SLC35D1: variants seen among roughly 807,000 people sequenced by gnomAD.
SLC35D1 encodes solute carrier family 35 member D1.
In SLC35D1, 31 loss-of-function variants were observed where a neutral mutation model predicts 46.7. The ratio of observed to expected loss-of-function variants is 0.66; its 90% CI spans 0.50 to 0.90. The LOEUF (loss-of-function observed/expected upper bound fraction) is 0.90, where lower values mean the gene tolerates loss of function less well. Ranked by LOEUF, SLC35D1 falls within the 40% of genes least tolerant of loss-of-function variation. SLC35D1 has a pLI of 0.00. For synonymous variants in SLC35D1, 195 were observed against 164.6 expected (o/e 1.18, Z -1.41); for missense variants, 397 against 426.2 (o/e 0.93, Z 0.60).
At position 67,001,379 on chromosome 1, in the gene SLC35D1, C is replaced by T. The variant is rs1186478098; in HGVS notation, c.*2961G>A. ...GATTGACTCATAAAGTCCACAGCCA[C>T]ATGAGGCAATTAAAACTCAACGGGA... On this transcript the variant is annotated 3_prime_UTR_variant, in exon 12 of 12. Coordinates refer to ENST00000235345, the MANE Select transcript of SLC35D1 (RefSeq NM_015139.3). The T allele has an allele frequency of 6.6e-6, 1 of 152,296 alleles. No individual in the cohort carries two copies. The allele number at this position is 152,296 out of a possible 1,614,324, so 9.4% of individuals were successfully genotyped here. A position where few individuals can be genotyped will look rare whatever the true frequency, so the allele number is the denominator to read the frequency against.
At position 67,002,542 on chromosome 1, in the gene SLC35D1, C is replaced by T. The variant is rs1667360613; in HGVS notation, c.*1798G>A. 1.3e-5 allele frequency: 2 copies of T among 152,190 alleles called. No individual in the cohort carries two copies. Among genetic ancestry groups the T allele is most frequent in the African/African-American group, 4.8e-5 (2 of 41,386 alleles). 9.4% of individuals were successfully genotyped at this position (152,190 alleles called of 1,614,324 possible). On this transcript the variant is annotated 3_prime_UTR_variant, in exon 12 of 12. Coordinates refer to ENST00000235345, the MANE Select transcript of SLC35D1 (RefSeq NM_015139.3). Reference sequence around the variant, plus strand: ...ATGACACAAGATACTATCCTTTACTCCCAGTGGAATTTTCTCAGGTCAGAA... The same window carrying T: ...ATGACACAAGATACTATCCTTTACTTCCAGTGGAATTTTCTCAGGTCAGAA...
At chr1:67,013,595 C>A (rs1251614545) in intron 10 of SLC35D1, among the ~76,000 whole-genome samples, 2 of 152,054 alleles carry the variant, frequency 1.3e-5, no homozygotes, top group African/African-American at 2.4e-5. Flanking sequence ...TCTTCCTACT[C>A]CTCCTTCCTC....
intron 8 of SLC35D1, among the ~76,000 whole-genome samples, chr1:67,022,168 A>G (rs1398357704): frequency 6.6e-6 from 1 of 152,202 alleles, no homozygotes; most frequent in Non-Finnish European, 1.5e-5. Flanking sequence ...GCCAAAAGGA[A>G]AGGAATAAAG....
At chr1:66,975,792 T>C in the SLC35D1 span, among the ~76,000 whole-genome samples, 2 of 152,196 alleles carry the variant, frequency 1.3e-5, no homozygotes, top group South Asian at 4.1e-4. Context: ...ATGATACTTT[T>C]AACTCACTGT....
rs868190256 is a variant in SLC35D1, at chr1:67,047,314, A to G, written c.587T>C (p.Val196Ala). ...GTATGCACCATTTGCTGCTGTTAGG[A>G]CATCGTTTATCAGAATAAAAGCATA... is the stretch of plus-strand genomic sequence containing the variant. The part of the protein sequence containing the change: ...EGYAFILIND[V>A]LTAANGAYVK... Residue 196 changes from valine (V) to alanine (A), a missense_variant, in exon 7 of 12, where the codon GTC (valine) becomes GCC (alanine). Coordinates refer to ENST00000235345, the MANE Select transcript of SLC35D1 (RefSeq NM_015139.3). 2.5e-6 allele frequency: 4 copies of G among 1,613,404 alleles called. No homozygotes were observed. In the African/African-American group the frequency reaches 5.3e-5, roughly 22 times the overall value.
At chr1:67,050,566 T>A in intron 4 of SLC35D1, 62 bp from the exon 5 acceptor site, 1 of 1,382,904 alleles carries the variant, frequency 7.2e-7, no homozygotes, top group Non-Finnish European at 1.0e-6. Flanking sequence ...AACTAAGATT[T>A]TCCAAATTGG....
chr1:67,049,494 G>A (rs1419709055), intron 6 of SLC35D1, among the ~76,000 whole-genome samples: 2 of 152,196 alleles, frequency 1.3e-5, no homozygotes, highest in African/African-American at 2.4e-5. Context: ...ATAATAAGAT[G>A]TGTAAAATGC....
intron 10 of SLC35D1, among the ~76,000 whole-genome samples, chr1:67,015,827 T>G (rs1328439761): frequency 6.6e-6 from 1 of 152,222 alleles, no homozygotes; most frequent in Non-Finnish European, 1.5e-5. Context: ...GTATCTTTAT[T>G]ATGTCTTATA....
the SLC35D1 span, among the ~76,000 whole-genome samples, chr1:66,990,769 T>TA: frequency 2.0e-5 from 3 of 152,260 alleles, no homozygotes; most frequent in East Asian, 3.9e-4. Context: ...GTGGTGGACT[T>TA]AGAGTGGCCA....
chr1:67,024,152 G>A lies in SLC35D1; in HGVS notation c.730-2550C>T, dbSNP rs112445190. Among the ~76,000 whole-genome samples, 493 of 151,812 alleles carry A rather than the reference G, an allele frequency of 3.2e-3. 6 individuals are homozygous for A. The highest frequency in any genetic ancestry group is 0.011 in the African/African-American group (467 of 41,380). ...GTAGAGATGGGGTTTCGCCATGTTG[G>A]CCAGGCTGGTCCTGAACTCCAGACC... On this transcript the variant is annotated intron_variant, in intron 8 of 11. Transcript: ENST00000235345.
chr1:66,992,332 T>C, the SLC35D1 span, among the ~76,000 whole-genome samples: 1 of 151,976 alleles, frequency 6.6e-6, no homozygotes, highest in Non-Finnish European at 1.5e-5. Context: ...AGAGACAAAT[T>C]AGCAGGTGCA....
In SLC35D1 at chr1:67,003,886, T is replaced by C. The variant is rs1224015415; in HGVS notation, c.*454A>G. 1 of 207,092 alleles carries C rather than the reference T, an allele frequency of 4.8e-6. No individual in the cohort carries two copies. The highest frequency in any genetic ancestry group is 9.9e-6 in the Non-Finnish European group (1 of 101,312). The allele number at this position is 207,092 out of a possible 1,614,324, so 12.8% of individuals were successfully genotyped here. A position where few individuals can be genotyped will look rare whatever the true frequency, so the allele number is the denominator to read the frequency against. ...ACAATGCAATCATAAGAAATAAGATTCAAAGAAGAGAAATTTCACATATTC... is the reference window on the plus strand; with the variant it reads ...ACAATGCAATCATAAGAAATAAGATCCAAAGAAGAGAAATTTCACATATTC... On this transcript the variant is annotated 3_prime_UTR_variant, in exon 12 of 12. Transcript: ENST00000235345.
intron 10 of SLC35D1, among the ~76,000 whole-genome samples, chr1:67,016,060 T>C (rs1275353923): frequency 6.6e-6 from 1 of 152,086 alleles, no homozygotes; most frequent in Non-Finnish European, 1.5e-5. Flanking sequence ...ATTTAGTATG[T>C]TAAAATCAAA....
At chr1:67,042,643 TACAC>T (rs137889949) in intron 7 of SLC35D1, among the ~76,000 whole-genome samples, 1 of 151,698 alleles carries the variant, frequency 6.6e-6, no homozygotes, top group African/African-American at 2.4e-5. Flanking sequence ...TTTGAACACA[TACAC>T]ACACACACAA....
intron 10 of SLC35D1, among the ~76,000 whole-genome samples, chr1:67,015,149 ATG>A (rs1251110534): frequency 1.5e-5 from 2 of 130,480 alleles, no homozygotes; most frequent in South Asian, 2.8e-4. Context: ...ACACATAAAA[ATG>A]TGTTTTTGTA....
At chr1:67,043,201 A>C (rs1645213426) in intron 7 of SLC35D1, among the ~76,000 whole-genome samples, 1 of 150,832 alleles carries the variant, frequency 6.6e-6, no homozygotes, top group Non-Finnish European at 1.5e-5. Flanking sequence ...ATCTCAAAAA[A>C]AAAAACAAAA....
chr1:67,021,449 T>G (rs1305404366), intron 9 of SLC35D1, 86 bp downstream of exon 9: 1 of 1,389,950 alleles, frequency 7.2e-7, no homozygotes, highest in Non-Finnish European at 1.0e-6. Flanking sequence ...TCAGGAGACC[T>G]AAAGATATTG....
chr1:66,985,703 A>G, the SLC35D1 span: 3 of 984,842 alleles, frequency 3.0e-6, no homozygotes, highest in African/African-American at 5.2e-5. Flanking sequence ...TGAGTCTGTC[A>G]GCTTTCATTT....
intron 8 of SLC35D1, among the ~76,000 whole-genome samples, chr1:67,034,399 CT>C (rs1453262890): frequency 6.6e-6 from 1 of 152,018 alleles, no homozygotes; most frequent in African/African-American, 2.4e-5. Context: ...ACTGTAAAGA[CT>C]TTTCACTTCT....
Sources: allele counts gnomAD v4.1 joint callset (sites outside exome capture counted in the v4.1 genomes callset), GRCh38; gene constraint gnomAD v4.1.1; transcripts MANE v1.5; gene names NCBI Gene and HGNC (gene_info 2026-07-23, HGNC 2026-07-21).